The following AKR1C3 variants were observed in gnomAD, a reference collection of about 807,000 sequenced individuals.
The protein encoded by AKR1C3 is aldo-keto reductase family 1 member C3, also known as 3-alpha hydroxysteroid dehydrogenase, type II.
A neutral mutation model predicts 43.6 loss-of-function variants in AKR1C3; 48 were observed. The ratio of observed to expected loss-of-function variants is 1.10; its 90% CI spans 0.87 to 1.40. The LOEUF (loss-of-function observed/expected upper bound fraction) is 1.40. AKR1C3 is among the 40% of genes most tolerant of loss of function. The pLI is 0.00. For missense variants in AKR1C3, 482 were observed against 391.2 expected (o/e 1.23, Z -1.96); for synonymous variants, 162 against 139.6 (o/e 1.16, Z -1.13).
At chr10:5,100,294 C>CA (rs1183124163) in intron 5 of AKR1C3, among the ~76,000 whole-genome samples, 40 of 150,190 alleles carry the variant, frequency 2.7e-4, no homozygotes, top group African/African-American at 5.1e-4. Context: ...AACTCCGTCT[C>CA]AAAAAAAAAG....
chr10:5,064,347 G>C (rs1296723083), intron 1 of AKR1C3, among the ~76,000 whole-genome samples: 1 of 152,066 alleles, frequency 6.6e-6, no homozygotes, highest in Non-Finnish European at 1.5e-5. Flanking sequence ...ATTGAAACGG[G>C]AAAGCCTTCC....
chr10:5,063,765 CAAAAAAA>C (rs71391987), intron 1 of AKR1C3, among the ~76,000 whole-genome samples: 17 of 46,426 alleles, frequency 3.7e-4, no homozygotes, highest in African/African-American at 5.8e-4. Flanking sequence ...TCTGTCTCAG[CAAAAAAA>C]AAAAAAAAAA....
intron 1 of AKR1C3, among the ~76,000 whole-genome samples, chr10:5,060,381 T>C (rs1474263624): frequency 2.6e-5 from 4 of 152,142 alleles, no homozygotes; most frequent in Non-Finnish European, 4.4e-5. Context: ...GTTTTGATGG[T>C]GCTGATTGGT....
intron 1 of AKR1C3, among the ~76,000 whole-genome samples, chr10:5,087,648 C>T (rs1839000128): frequency 1.3e-5 from 2 of 152,062 alleles, no homozygotes; most frequent in African/African-American, 4.8e-5. Flanking sequence ...GCTGGGATTA[C>T]AGACGTAAGC....
chr10:5,106,769 G>T (rs1554787340), intron 8 of AKR1C3, among the ~76,000 whole-genome samples: 1 of 139,938 alleles, frequency 7.1e-6, no homozygotes, highest in Non-Finnish European at 1.6e-5. Flanking sequence ...AAAAAAGCAG[G>T]AAGTTATGTA....
chr10:5,107,036 T>C (rs1184095070), intron 8 of AKR1C3, among the ~76,000 whole-genome samples: 1 of 152,210 alleles, frequency 6.6e-6, no homozygotes, highest in Non-Finnish European at 1.5e-5. Context: ...GTTATTTCTA[T>C]ATAAGAATTT....
intron 1 of AKR1C3, among the ~76,000 whole-genome samples, chr10:5,083,088 TTATAC>T (rs1838870902): frequency 2.3e-5 from 1 of 43,954 alleles, no homozygotes; most frequent in Non-Finnish European, 4.7e-5. Flanking sequence ...TTTTTTATTA[TTATAC>T]ACTTTAAGTT....
At chr10:5,078,065 A>C in intron 1 of AKR1C3, 1 of 631,794 alleles carries the variant, frequency 1.6e-6, no homozygotes, top group Non-Finnish European at 2.8e-6. Flanking sequence ...TACCATTACA[A>C]AAACAGAAAG....
Position 5,097,771 on chromosome 10 carries a change from C to G in AKR1C3, c.369+221C>G, listed in dbSNP as rs186198146. The G allele has an allele frequency of 1.7e-3, 2,257 of 1,297,256 alleles. 5 individuals are homozygous for G. Among genetic ancestry groups the G allele is most frequent in the Non-Finnish European group, 2.1e-3 (2,090 of 1,017,314 alleles). The allele number at this position is 1,297,256 out of a possible 1,614,324, so 80.4% of individuals were successfully genotyped here. A position where few individuals can be genotyped will look rare whatever the true frequency, so the allele number is the denominator to read the frequency against. ...GAAGAGAGTACAGCAACCTCAAAGC[C>G]TCTTCCTCAAAAACTTGAAATTACA... On this transcript the variant is annotated intron_variant, in intron 3 of 8. Coordinates refer to ENST00000380554, the MANE Select transcript of AKR1C3 (RefSeq NM_003739.6).
chr10:5,092,425 A>G (rs1839114070), upstream of AKR1C3, among the ~76,000 whole-genome samples: 1 of 150,162 alleles, frequency 6.7e-6, no homozygotes, highest in Admixed American at 6.6e-5. Flanking sequence ...TGCTGTGTAT[A>G]CTACTTGGCT....
At chr10:5,048,908 T>G in intron 1 of AKR1C3, 1 of 1,604,298 alleles carries the variant, frequency 6.2e-7, no homozygotes, top group Non-Finnish European at 8.5e-7. Flanking sequence ...AATAATAATG[T>G]TTTTGGTGCA....
chr10:5,083,333 T>G (rs1464944520), intron 1 of AKR1C3, among the ~76,000 whole-genome samples: 1 of 152,016 alleles, frequency 6.6e-6, no homozygotes, highest in Non-Finnish European at 1.5e-5. Flanking sequence ...CGGTGTTTGG[T>G]TTTTTGTCCT....
chr10:5,091,048 TTAGA>T (rs1458041359), upstream of AKR1C3, among the ~76,000 whole-genome samples: 2 of 151,752 alleles, frequency 1.3e-5, no homozygotes, highest in African/African-American at 4.8e-5. Context: ...ATGAGAGTAA[TTAGA>T]TACAGAGTGT....
chr10:5,101,594 TTTTTCC>T (rs1198824412), intron 5 of AKR1C3, among the ~76,000 whole-genome samples: 2 of 152,206 alleles, frequency 1.3e-5, no homozygotes, highest in Middle Eastern at 3.2e-3. Flanking sequence ...GACTTGGACA[TTTTTCC>T]TTAAGATTTT....
chr10:5,057,772 C>T (rs187663765), intron 1 of AKR1C3, among the ~76,000 whole-genome samples: 11 of 152,280 alleles, frequency 7.2e-5, no homozygotes, highest in East Asian at 1.9e-4. Flanking sequence ...TCCCTTTCTT[C>T]GGCTGTCATG....
intron 1 of AKR1C3, among the ~76,000 whole-genome samples, chr10:5,060,297 C>T (rs185591930): frequency 1.3e-3 from 193 of 152,280 alleles, no homozygotes; most frequent in Middle Eastern, 6.8e-3. Context: ...CTTTTCTGGT[C>T]CCACCCACAT....
chr10:5,107,278 G>C (rs1839530414), intron 8 of AKR1C3, among the ~76,000 whole-genome samples, 183 bp from the exon 9 acceptor site: 1 of 152,130 alleles, frequency 6.6e-6, no homozygotes, highest in African/African-American at 2.4e-5. Flanking sequence ...GAATATGATT[G>C]AATAATTTAT....
chr10:5,096,190 C>A, intron 1 of AKR1C3: 1 of 504,388 alleles, frequency 2.0e-6, no homozygotes, highest in Non-Finnish European at 3.5e-6. Context: ...TTGGTACCTC[C>A]ATAACAGTGA....
chr10:5,104,265 ATTTCTT>A (rs1183529750), intron 7 of AKR1C3, among the ~76,000 whole-genome samples: 3 of 152,162 alleles, frequency 2.0e-5, no homozygotes, highest in African/African-American at 7.2e-5. Flanking sequence ...ATTCAAATGA[ATTTCTT>A]TTTCAATACT....
Sources: gnomAD v4.1 joint callset for allele counts (sites outside exome capture counted in the v4.1 genomes callset) on GRCh38, gnomAD v4.1.1 for gene constraint, MANE v1.5 for transcripts, NCBI Gene and HGNC (gene_info 2026-07-23, HGNC 2026-07-21) for gene names.